MMP26: variants seen among roughly 807,000 people sequenced by gnomAD.
MMP26 encodes the protein matrix metallopeptidase 26.
Under a neutral mutation model 31.0 loss-of-function variants are expected in MMP26, and 33 were observed. The observed-to-expected ratio is 1.06, with a 90% CI of 0.81 to 1.42. MMP26 has a LOEUF of 1.42. Ranked by LOEUF, MMP26 falls within the 40% of genes most tolerant of loss-of-function variation. The pLI is 0.00. For missense variants in MMP26, 347 were observed against 316.1 expected (o/e 1.10, Z -0.74); for synonymous variants, 122 against 114.9 (o/e 1.06, Z -0.40).
chr11:4,836,921 G>A lies in MMP26; in HGVS notation c.-145+69580G>A, dbSNP rs1849727375. ...TGACCTCAGCCTCCCAAAGTGCTGG[G>A]ATTACGGGCGTGAGCCACCGCGCCT... On this transcript the variant is annotated intron_variant, in intron 2 of 7. Transcript: ENST00000380390. 2.0e-5 allele frequency among the ~76,000 whole-genome samples: 3 copies of A among 151,640 alleles called. No individual in the cohort carries two copies. The South Asian group carries it at 6.3e-4, about 32-fold the overall frequency.
chr11:4,816,270 C>T (rs535743545), intron 2 of MMP26, among the ~76,000 whole-genome samples: 1 of 152,246 alleles, frequency 6.6e-6, no homozygotes, highest in South Asian at 2.1e-4. Flanking sequence ...AGTTAAGACT[C>T]GTTCTGTGGC....
intron 1 of MMP26, among the ~76,000 whole-genome samples, chr11:4,765,877 T>C (rs1848622141): frequency 6.6e-6 from 1 of 152,220 alleles, no homozygotes; most frequent in Non-Finnish European, 1.5e-5. Flanking sequence ...AGCCTCTAAA[T>C]TCTTTCCTTT....
At chr11:4,849,352 A>G in intron 2 of MMP26, 2 of 763,196 alleles carry the variant, frequency 2.6e-6, no homozygotes, top group Non-Finnish European at 4.2e-6. Context: ...ACGTACACAT[A>G]TACACATTTC....
intron 2 of MMP26, among the ~76,000 whole-genome samples, chr11:4,844,777 GAT>G (rs1338891992): frequency 6.6e-6 from 1 of 152,046 alleles, no homozygotes; most frequent in African/African-American, 2.4e-5. Context: ...GTAAAAGCCA[GAT>G]ATGACAGACC....
chr11:4,991,999 G>T lies in MMP26; in HGVS notation c.631G>T (p.Gly211Trp). The change falls in exon 7 of 8, where the codon GGG (glycine) becomes TGG (tryptophan). Residue 211 changes from glycine (G) to tryptophan (W), a missense_variant. Gly to Trp is a radical substitution (Grantham distance 184, BLOSUM62 -2). Coordinates refer to ENST00000380390, the MANE Select transcript of MMP26 (RefSeq NM_021801.5). ...NLFLVATHEI[G>W]HSLGLQHSGN... ...GTTCCTGGTTGCAACTCATGAGATT[G>T]GGCATTCTTTGGGCCTGCAGCACTC... 1 of 1,609,464 alleles carries T rather than the reference G, an allele frequency of 6.2e-7. No homozygotes were observed.
intron 2 of MMP26, among the ~76,000 whole-genome samples, chr11:4,940,476 A>G (rs1846191341): frequency 6.6e-6 from 1 of 152,206 alleles, no homozygotes; most frequent in Admixed American, 6.5e-5. Flanking sequence ...TTGAAAAAGT[A>G]GGATTTTGTC....
rs200630145 is a variant in MMP26, at chr11:4,914,738, G to A, written c.-144-73330G>A. On this transcript the variant is annotated intron_variant, in intron 2 of 7. Coordinates refer to ENST00000380390, the MANE Select transcript of MMP26 (RefSeq NM_021801.5). ...ACACAGTTAGTAACAAAAGGCATGC[G>A]TCACTCGATCCCGGATCTGTTTGGT... 1.5e-4 allele frequency: 243 copies of A among 1,611,628 alleles called. 2 individuals are homozygous for A. The highest frequency in any genetic ancestry group is 1.4e-3 in the South Asian group (124 of 90,988).
chr11:4,762,718 CT>C (rs1387586249), intron 1 of MMP26, among the ~76,000 whole-genome samples: 2 of 152,072 alleles, frequency 1.3e-5, no homozygotes, highest in Non-Finnish European at 2.9e-5. Context: ...TTGTTATACA[CT>C]TTTAGAAAAG....
intron 2 of MMP26, chr11:4,946,761 A>G (rs1197887920): frequency 1.3e-6 from 2 of 1,587,404 alleles, no homozygotes; most frequent in South Asian, 2.2e-5. Context: ...AGGACTGAGG[A>G]CTCCAGTACT....
intron 2 of MMP26, among the ~76,000 whole-genome samples, chr11:4,780,632 T>A (rs1848845708): frequency 6.6e-6 from 1 of 152,150 alleles, no homozygotes; most frequent in Non-Finnish European, 1.5e-5. Flanking sequence ...AAATGAAAGA[T>A]GTCACTTTGG....
chr11:4,762,980 T>C (rs1848586053), intron 1 of MMP26, among the ~76,000 whole-genome samples: 1 of 152,232 alleles, frequency 6.6e-6, no homozygotes, highest in African/African-American at 2.4e-5. Context: ...ATTTAGTATC[T>C]TCTTGGCAGG....
chr11:4,873,590 G>A (rs935032178), intron 2 of MMP26, among the ~76,000 whole-genome samples: 1 of 152,134 alleles, frequency 6.6e-6, no homozygotes, highest in African/African-American at 2.4e-5. Context: ...GAAAGTAGGT[G>A]CATAACTTTA....
chr11:4,939,738 T>C (rs367713848), intron 2 of MMP26, among the ~76,000 whole-genome samples: 9 of 152,272 alleles, frequency 5.9e-5, no homozygotes, highest in East Asian at 3.9e-4. Flanking sequence ...CCTCTCAATG[T>C]GCCCAAATTT....
chr11:4,762,247 A>C (rs116463481), intron 1 of MMP26, among the ~76,000 whole-genome samples: 3,193 of 152,268 alleles, frequency 0.021, 117 homozygotes, highest in African/African-American at 0.072. Flanking sequence ...TTATATGAAC[A>C]AACACAATAG....
At chr11:4,982,351 A>G (rs1460879428) in intron 2 of MMP26, among the ~76,000 whole-genome samples, 2 of 152,124 alleles carry the variant, frequency 1.3e-5, no homozygotes, top group Non-Finnish European at 1.5e-5. Context: ...TCACTACATG[A>G]TAGGAATTTC....
intron 2 of MMP26, among the ~76,000 whole-genome samples, chr11:4,850,504 G>GAC (rs1280330696): frequency 6.6e-6 from 1 of 152,040 alleles, no homozygotes; most frequent in Non-Finnish European, 1.5e-5. Flanking sequence ...AGAAGGACTG[G>GAC]ACACACACCA....
chr11:4,958,429 A>G (rs1360466625), intron 2 of MMP26, among the ~76,000 whole-genome samples: 1 of 151,938 alleles, frequency 6.6e-6, no homozygotes, highest in African/African-American at 2.4e-5. Flanking sequence ...AGTCTTATTT[A>G]TTTTCTATAG....
chr11:4,924,264 G>A (rs1301584301), intron 2 of MMP26: 29 of 1,614,062 alleles, frequency 1.8e-5, no homozygotes, highest in Non-Finnish European at 2.5e-5. Flanking sequence ...ATCCAGCCAT[G>A]GAGACCTTCT....
At chr11:4,852,602 C>T (rs1227942089) in intron 2 of MMP26, among the ~76,000 whole-genome samples, 1 of 152,062 alleles carries the variant, frequency 6.6e-6, no homozygotes. Context: ...AAAGGGAATC[C>T]TTTACATTGT....
Sources: allele counts gnomAD v4.1 joint callset (sites outside exome capture counted in the v4.1 genomes callset), GRCh38; gene constraint gnomAD v4.1.1; transcripts MANE v1.5; gene names NCBI Gene and HGNC (gene_info 2026-07-23, HGNC 2026-07-21).